Variants in WWOX observed in about 807,000 individuals in gnomAD.
WWOX encodes WW domain containing oxidoreductase.
Under a neutral mutation model 46.2 loss-of-function variants are expected in WWOX, and 69 were observed. That is an observed-to-expected ratio of 1.49 (90% CI 1.23 to 1.82). WWOX has a LOEUF of 1.82. Among genes scored for constraint, WWOX ranks in the 40% most tolerant of loss-of-function variants. The pLI is 0.00. For synonymous variants in WWOX, 359 were observed against 202.6 expected, an observed-to-expected ratio of 1.77 and a Z score of -6.56; for missense variants, 919 against 542.6, an observed-to-expected ratio of 1.69 and a Z score of -6.89.
chr16:78,630,576 C>T (rs927264929), intron 8 of WWOX, among the ~76,000 whole-genome samples: 4 of 152,166 alleles, frequency 2.6e-5, no homozygotes, highest in African/African-American at 9.7e-5. Flanking sequence ...TAATTAAATG[C>T]ATCCTGTGTG....
At chr16:78,791,588 A>T (rs12921101) in intron 8 of WWOX, among the ~76,000 whole-genome samples, 1 of 152,044 alleles carries the variant, frequency 6.6e-6, no homozygotes, top group Non-Finnish European at 1.5e-5. Context: ...ATCTGAGGCA[A>T]ACAGAAGGGC....
intron 8 of WWOX, among the ~76,000 whole-genome samples, chr16:79,162,696 A>G (rs11863661): frequency 1.3e-5 from 2 of 152,118 alleles, no homozygotes; most frequent in African/African-American, 4.8e-5. Flanking sequence ...TCCTGTGTTC[A>G]CCGCCTTCCT....
intron 8 of WWOX, among the ~76,000 whole-genome samples, chr16:78,615,158 AT>A (rs1356693268): frequency 6.6e-6 from 1 of 152,160 alleles, no homozygotes; most frequent in African/African-American, 2.4e-5. Context: ...TCACATTCCC[AT>A]TATTTTTTAG....
intron 5 of WWOX, among the ~76,000 whole-genome samples, chr16:78,363,160 G>GTGTGTGTGTGTGTGTT (rs1412316229): frequency 2.0e-5 from 3 of 152,102 alleles, no homozygotes; most frequent in African/African-American, 7.2e-5. Flanking sequence ...GTGTGTGTGT[G>GTGTGTGTGTGTGTGTT]TGTATGTGTC....
chr16:78,830,049 G>A (rs1448770681), intron 8 of WWOX, among the ~76,000 whole-genome samples: 1 of 152,084 alleles, frequency 6.6e-6, no homozygotes, highest in Non-Finnish European at 1.5e-5. Context: ...CTAGAGGTCA[G>A]GAGTTCAAGA....
chr16:78,598,947 C>G (rs984261309), intron 8 of WWOX, among the ~76,000 whole-genome samples: 1 of 152,172 alleles, frequency 6.6e-6, no homozygotes, highest in Non-Finnish European at 1.5e-5. Context: ...AACTGAAGCA[C>G]AGGAAGTTTC....
At chr16:78,656,418 C>T (rs1250865578) in intron 8 of WWOX, among the ~76,000 whole-genome samples, 9 of 152,144 alleles carry the variant, frequency 5.9e-5, no homozygotes, top group Non-Finnish European at 1.3e-4. Context: ...GCTCATGGTT[C>T]CGCAGGCCAT....
At chr16:78,845,049 C>T (rs117594900) in intron 8 of WWOX, among the ~76,000 whole-genome samples, 1 of 151,918 alleles carries the variant, frequency 6.6e-6, no homozygotes, top group Admixed American at 6.6e-5. Context: ...AAGCTACAGA[C>T]AAATGGAAAA....
chr16:78,993,834 C>T (rs138727472), intron 8 of WWOX, among the ~76,000 whole-genome samples: 8 of 152,312 alleles, frequency 5.3e-5, no homozygotes, highest in African/African-American at 1.2e-4. Context: ...GAAGCCAAGA[C>T]GCCTGTTCTC....
intron 8 of WWOX, among the ~76,000 whole-genome samples, chr16:78,616,701 G>GGTTGCAGTGAGCTGAGATGGTGCC (rs2046033910): frequency 6.6e-6 from 1 of 152,050 alleles, no homozygotes; most frequent in Non-Finnish European, 1.5e-5. Context: ...GGGAGGCAGT[G>GGTTGCAGTGAGCTGAGATGGTGCC]GTTGCAGTGA....
At chr16:78,405,276 C>T (rs2082501564) in intron 6 of WWOX, among the ~76,000 whole-genome samples, 1 of 152,030 alleles carries the variant, frequency 6.6e-6, no homozygotes, top group Non-Finnish European at 1.5e-5. Flanking sequence ...CTGTGCTCCA[C>T]TCTGGGTAAC....
At position 78,386,925 on chromosome 16, in the gene WWOX, T is replaced by C; in HGVS notation, c.582T>C (p.Ala194=). The C allele has an allele frequency of 6.2e-7, 1 of 1,614,166 alleles. No individual in the cohort carries two copies. The highest frequency in any genetic ancestry group is 8.5e-7 in the Non-Finnish European group (1 of 1,179,990). ...TGCTCCGTAGCGTGCAGCATTTTGC[T>C]GAAGCATTCAAGGCCAAGAATGTGT... is the stretch of plus-strand genomic sequence containing the variant. ...LALLRSVQHF[A]EAFKAKNVPL... The change falls in exon 6 of 9, where the codon GCT becomes GCC. Residue 194 remains alanine (A), a synonymous_variant. Transcript: ENST00000566780.
At chr16:79,144,080 G>A (rs1203661420) in intron 8 of WWOX, among the ~76,000 whole-genome samples, 1 of 151,984 alleles carries the variant, frequency 6.6e-6, no homozygotes, top group African/African-American at 2.4e-5. Context: ...TTATTTTTTG[G>A]TAGAGATGGA....
intron 8 of WWOX, among the ~76,000 whole-genome samples, chr16:79,192,143 G>T (rs1301817971): frequency 6.6e-6 from 1 of 152,210 alleles, no homozygotes; most frequent in African/African-American, 2.4e-5. Flanking sequence ...TGGGCAGGGA[G>T]CTCTGCTCTC....
At chr16:78,293,989 A>AC (rs2079901821) in intron 5 of WWOX, among the ~76,000 whole-genome samples, 61 of 148,904 alleles carry the variant, frequency 4.1e-4, no homozygotes, top group Non-Finnish European at 6.1e-4. Flanking sequence ...AAAAAAAAAA[A>AC]AAAAAAAAAA....
intron 8 of WWOX, among the ~76,000 whole-genome samples, chr16:78,586,005 C>T (rs2045194915): frequency 6.6e-6 from 1 of 151,926 alleles, no homozygotes; most frequent in Non-Finnish European, 1.5e-5. Flanking sequence ...AGAGACCAGC[C>T]TGGGCAATAT....
At chr16:78,973,559 T>A (rs560671619) in intron 8 of WWOX, among the ~76,000 whole-genome samples, 1 of 152,180 alleles carries the variant, frequency 6.6e-6, no homozygotes, top group Non-Finnish European at 1.5e-5. Flanking sequence ...CTTTCTTTTT[T>A]TGGGGGCAGG....
chr16:78,788,963 T>C (rs1052581054), intron 8 of WWOX, among the ~76,000 whole-genome samples: 6 of 152,222 alleles, frequency 3.9e-5, no homozygotes, highest in African/African-American at 1.4e-4. Flanking sequence ...TTTTGGAAAC[T>C]AGACCCTTAT....
intron 8 of WWOX, among the ~76,000 whole-genome samples, chr16:78,977,804 C>A (rs766244533): frequency 7.2e-5 from 11 of 152,132 alleles, no homozygotes; most frequent in Non-Finnish European, 8.8e-5. Context: ...AGCCTCACAC[C>A]AAGCTCCCAT....
Sources: allele counts gnomAD v4.1 joint callset (sites outside exome capture counted in the v4.1 genomes callset), GRCh38; gene constraint gnomAD v4.1.1; transcripts MANE v1.5; gene names NCBI Gene and HGNC (gene_info 2026-07-23, HGNC 2026-07-21).